Variants in BPIFC observed in about 807,000 individuals in gnomAD.
BPIFC encodes BPI fold-containing family C protein.
BPIFC carries 60 observed loss-of-function variants against 57.6 expected under a neutral mutation model. The observed-to-expected ratio is 1.04, with a 90% CI of 0.85 to 1.29. The LOEUF (loss-of-function observed/expected upper bound fraction) is 1.29, where lower values mean the gene tolerates loss of function less well. BPIFC is among the 50% of genes most tolerant of loss of function. BPIFC has a pLI of 0.00. For synonymous variants in BPIFC, 243 were observed against 224.5 expected, an observed-to-expected ratio of 1.08 and a Z score of -0.74; for missense variants, 581 against 600.5, an observed-to-expected ratio of 0.97 and a Z score of 0.34.
chr22:32,419,803 C>CAAAAAAAAAAAAAA (rs34812283), intron 13 of BPIFC, among the ~76,000 whole-genome samples: 1 of 102,370 alleles, frequency 9.8e-6, no homozygotes, highest in Non-Finnish European at 1.9e-5. Context: ...GAGACCCTGT[C>CAAAAAAAAAAAAAA]AAAAAAAAAA....
rs370732197 is a variant in BPIFC, at chr22:32,461,250, A to G, written c.-1+324T>C. Among the ~76,000 whole-genome samples, 215 of 152,288 alleles carry G rather than the reference A, an allele frequency of 1.4e-3. 3 individuals are homozygous for G. In the South Asian group the frequency reaches 0.041, roughly 29 times the overall value. On this transcript the variant is annotated intron_variant, in intron 2 of 16. Transcript: ENST00000300399. Reference sequence around the variant, plus strand: ...TATGGCCTTATGAATCCAGCATGATATTTCAGCCCTAAAGAGCTGGTTTGG... The same window carrying G: ...TATGGCCTTATGAATCCAGCATGATGTTTCAGCCCTAAAGAGCTGGTTTGG...
intron 3 of BPIFC, 110 bp downstream of exon 3, chr22:32,457,153 A>G (rs1935054376): frequency 2.3e-6 from 3 of 1,291,794 alleles, no homozygotes; most frequent in East Asian, 5.1e-5. Context: ...ATCACCCCAC[A>G]GTACGGCGTT....
chr22:32,447,780 T>G (rs930071121), intron 4 of BPIFC, among the ~76,000 whole-genome samples: 11 of 151,990 alleles, frequency 7.2e-5, no homozygotes, highest in African/African-American at 2.7e-4. Flanking sequence ...TAATATTTTT[T>G]ATTTTTTTTG....
intron 3 of BPIFC, among the ~76,000 whole-genome samples, chr22:32,455,801 A>G (rs1006060036): frequency 1.3e-5 from 2 of 152,236 alleles, no homozygotes; most frequent in Non-Finnish European, 2.9e-5. Context: ...TGTTGGTGGA[A>G]TTAGATCAAC....
Position 32,446,786 on chromosome 22 carries a change from C to G in BPIFC, c.374+426G>C, listed in dbSNP as rs115599370. 6.1e-4 allele frequency: 600 copies of G among 985,414 alleles called. 1 individual carries two copies. The African/African-American group carries it at 9.7e-3, about 16-fold the overall frequency. The allele number at this position is 985,414 out of a possible 1,614,324, so 61.0% of individuals were successfully genotyped here. ...GGTGCAAAGGCCTTCCAGTTGGGCT[C>G]AGGCTTAAGCTGACTACCATTCTTC... On this transcript the variant is annotated intron_variant, in intron 5 of 16. Transcript: ENST00000300399.
At position 32,447,341 on chromosome 22, in the gene BPIFC, C is replaced by G; in HGVS notation, c.246-1G>C. ...AAATGAAAAGGCACTGATTTTTATA[C>G]TGTAAAACCAGAAACAAGAAGTTAG... On this transcript the variant is annotated splice_acceptor_variant, in intron 4 of 16. Coordinates refer to ENST00000300399, the MANE Select transcript of BPIFC (RefSeq NM_174932.3). LOFTEE classifies it high-confidence loss of function. The G allele has an allele frequency of 6.2e-7, 1 of 1,610,024 alleles. No individual in the cohort carries two copies. The highest frequency in any genetic ancestry group is 8.5e-7 in the Non-Finnish European group (1 of 1,178,594).
chr22:32,457,170 T>G, intron 3 of BPIFC, 93 bp downstream of exon 3: 4 of 1,425,436 alleles, frequency 2.8e-6, no homozygotes, highest in Non-Finnish European at 3.7e-6. Context: ...CGTTTCTCAG[T>G]CAGGAGACAG....
chr22:32,421,843 G>C (rs904106181), intron 13 of BPIFC, among the ~76,000 whole-genome samples: 1 of 152,212 alleles, frequency 6.6e-6, no homozygotes, highest in African/African-American at 2.4e-5. Context: ...CTTAAGGAAA[G>C]AAACAATTTC....
chr22:32,441,501 G>A (rs1934563522), intron 8 of BPIFC, among the ~76,000 whole-genome samples: 1 of 152,140 alleles, frequency 6.6e-6, no homozygotes, highest in Non-Finnish European at 1.5e-5. Flanking sequence ...CGCGCCATTG[G>A]TGAATGAATG....
intron 1 of BPIFC, among the ~76,000 whole-genome samples, chr22:32,463,744 T>A (rs1419815846): frequency 2.0e-5 from 3 of 152,208 alleles, no homozygotes; most frequent in Non-Finnish European, 4.4e-5. Context: ...TCGACAGGTA[T>A]GGAACGTGGG....
intron 3 of BPIFC, among the ~76,000 whole-genome samples, chr22:32,454,454 TG>T (rs1218580089): frequency 6.6e-6 from 1 of 152,198 alleles, no homozygotes; most frequent in Non-Finnish European, 1.5e-5. Context: ...TGTTTCATCC[TG>T]GAATAACTCA....
intron 16 of BPIFC, 111 bp downstream of exon 16, chr22:32,415,804 G>T: frequency 1.4e-6 from 1 of 698,866 alleles, no homozygotes; most frequent in Non-Finnish European, 2.2e-6. Context: ...CTGGGAAAAA[G>T]CAAAGCAGGA....
intron 13 of BPIFC, among the ~76,000 whole-genome samples, chr22:32,423,620 T>C (rs1601445713): frequency 6.9e-6 from 1 of 144,960 alleles, no homozygotes; most frequent in Middle Eastern, 3.5e-3. Context: ...TGGATGTGTG[T>C]TGATGGTGGA....
intron 4 of BPIFC, among the ~76,000 whole-genome samples, chr22:32,451,517 G>A (rs527983608): frequency 6.6e-6 from 1 of 152,188 alleles, no homozygotes; most frequent in Non-Finnish European, 1.5e-5. Context: ...CACAGGAAGG[G>A]GAATATCACA....
intron 8 of BPIFC, among the ~76,000 whole-genome samples, chr22:32,439,555 A>C (rs1934506464): frequency 6.6e-6 from 1 of 152,190 alleles, no homozygotes; most frequent in Non-Finnish European, 1.5e-5. Flanking sequence ...GAAGAGATGA[A>C]GTATCTTGCT....
At chr22:32,460,702 A>G (rs1935142067) in intron 2 of BPIFC, among the ~76,000 whole-genome samples, 1 of 152,208 alleles carries the variant, frequency 6.6e-6, no homozygotes. Context: ...TCTTCTTTCT[A>G]AAGCCATTTA....
chr22:32,461,527 CAGAGTGACA>C (rs750436848), intron 2 of BPIFC, 38 bp downstream of exon 2: 18 of 948,444 alleles, frequency 1.9e-5, no homozygotes, highest in Non-Finnish European at 2.1e-5. Flanking sequence ...TCCTGAGAGG[CAGAGTGACA>C]GTAACAGCAT....
intron 14 of BPIFC, among the ~76,000 whole-genome samples, chr22:32,417,658 T>A (rs928338209): frequency 9.9e-5 from 15 of 152,204 alleles, no homozygotes; most frequent in Non-Finnish European, 2.9e-5. Flanking sequence ...TACACTGGAT[T>A]TTGGTGATAG....
intron 13 of BPIFC, among the ~76,000 whole-genome samples, chr22:32,426,887 G>C (rs558691581): frequency 2.0e-4 from 20 of 99,334 alleles, no homozygotes; most frequent in Non-Finnish European, 4.1e-4. Flanking sequence ...GCAAGACTCT[G>C]TCTGAAAAAA....
Sources: allele counts gnomAD v4.1 joint callset (sites outside exome capture counted in the v4.1 genomes callset), GRCh38; gene constraint gnomAD v4.1.1; transcripts MANE v1.5; gene names NCBI Gene and HGNC (gene_info 2026-07-23, HGNC 2026-07-21).